The following MTSS1 variants were observed in gnomAD, a reference collection of about 807,000 sequenced individuals.
MTSS1 encodes the protein MTSS I-BAR domain containing 1.
Under a neutral mutation model 79.0 loss-of-function variants are expected in MTSS1, and 18 were observed. The ratio of observed to expected loss-of-function variants is 0.23; its 90% confidence interval spans 0.16 to 0.34. The LOEUF is 0.34. Among genes scored for constraint, MTSS1 ranks in the 10% least tolerant of loss-of-function variants. The pLI is 1.00. For missense variants in MTSS1, 815 were observed against 986.2 expected, an observed-to-expected ratio of 0.83 and a Z score of 2.33; for synonymous variants, 341 against 368.6, an observed-to-expected ratio of 0.93 and a Z score of 0.86.
intron 3 of MTSS1, among the ~76,000 whole-genome samples, chr8:124,678,630 C>G (rs1223558382): frequency 6.6e-6 from 1 of 152,186 alleles, no homozygotes; most frequent in African/African-American, 2.4e-5. Context: ...GAAAACCCAC[C>G]CTTGTGATTC....
At position 124,553,248 on chromosome 8, in the gene MTSS1, A is replaced by G. The variant is rs1822849861; in HGVS notation, c.2012T>C (p.Val671Ala). 1 of 1,613,976 alleles carries G rather than the reference A, an allele frequency of 6.2e-7. No individual in the cohort carries two copies. The highest frequency in any genetic ancestry group is 1.3e-5 in the African/African-American group (1 of 74,888). Reference protein sequence around the residue: ...PSSMWSGQASVNPPLPGPKPS... With the variant: ...PSSMWSGQASANPPLPGPKPS... ...CTTCGGGCCTGGAAGTGGAGGGTTA[A>G]CGGAAGCTTGGCCGCTCCACATTGA... The change falls in exon 14 of 14, where the codon GTT becomes GCT. Residue 671 changes from valine (V) to alanine (A), a missense_variant. This residue lies in a region of MTSS1 where 590 missense variants were observed against 620.8 expected (regional missense o/e 0.95). Coordinates refer to ENST00000518547, the MANE Select transcript of MTSS1 (RefSeq NM_014751.6). This position sits in a 1 kb window ranked among gnomAD's most constrained non-coding sequence, Gnocchi z 6.0.
chr8:124,700,755 C>T (rs987386560), intron 2 of MTSS1, among the ~76,000 whole-genome samples: 4 of 152,152 alleles, frequency 2.6e-5, no homozygotes, highest in African/African-American at 9.7e-5. Flanking sequence ...AAGCCAGGGC[C>T]ATGGATTCCA....
At chr8:124,591,505 AT>A (rs1028435949) in intron 3 of MTSS1, among the ~76,000 whole-genome samples, 4 of 151,988 alleles carry the variant, frequency 2.6e-5, no homozygotes, top group Non-Finnish European at 5.9e-5. Flanking sequence ...ATTCCATCTG[AT>A]TTTTTTTGTA....
Position 124,694,168 on chromosome 8 carries a change from C to T in MTSS1, c.208+5358G>A, listed in dbSNP as rs1053708360. Reference sequence around the variant, plus strand: ...TGGGATCAAAATGGGGAATAAAATTCGTACGCCTGTAAGCCTGTGCCCTTA... The same window carrying T: ...TGGGATCAAAATGGGGAATAAAATTTGTACGCCTGTAAGCCTGTGCCCTTA... On this transcript the variant is annotated intron_variant, in intron 3 of 13. Coordinates refer to ENST00000518547, the MANE Select transcript of MTSS1 (RefSeq NM_014751.6). Among the ~76,000 whole-genome samples the T allele has an allele frequency of 2.6e-5, 4 of 152,054 alleles. 1 individual carries two copies. The highest frequency in any genetic ancestry group is 1.3e-4 in the Admixed American group (2 of 15,258).
At chr8:124,558,676 A>G (rs773771715) in intron 10 of MTSS1, 2 of 1,503,192 alleles carry the variant, frequency 1.3e-6, no homozygotes, top group South Asian at 2.5e-5. Context: ...GGGACCAGGG[A>G]GAGTGGGGCC....
chr8:124,680,020 T>A (rs572474155), intron 3 of MTSS1, among the ~76,000 whole-genome samples: 38 of 152,214 alleles, frequency 2.5e-4, no homozygotes, highest in African/African-American at 8.9e-4. Context: ...TTTTTTTTTT[T>A]AATACTAGGG....
intron 1 of MTSS1, among the ~76,000 whole-genome samples, chr8:124,714,526 T>C (rs1464324145): frequency 6.6e-6 from 1 of 152,154 alleles, no homozygotes; most frequent in African/African-American, 2.4e-5. Flanking sequence ...GCAGTGGTGC[T>C]GTCTTGGCTC....
intron 7 of MTSS1, chr8:124,567,552 A>T: frequency 7.8e-7 from 1 of 1,286,486 alleles, no homozygotes; most frequent in Non-Finnish European, 1.0e-6. Context: ...TCAATGGATG[A>T]CACGACTTGG....
intron 3 of MTSS1, among the ~76,000 whole-genome samples, chr8:124,696,095 C>A (rs1195794503): frequency 6.6e-6 from 1 of 152,074 alleles, no homozygotes; most frequent in Non-Finnish European, 1.5e-5. Context: ...TCAAGCGATT[C>A]TCCTGCCTCA....
At chr8:124,680,853 A>G (rs1292780691) in intron 3 of MTSS1, among the ~76,000 whole-genome samples, 15 of 152,154 alleles carry the variant, frequency 9.9e-5, no homozygotes, top group Admixed American at 9.8e-4. Context: ...CTTTGAGGTC[A>G]TTGCTTCTCT....
rs763477158 is a variant in MTSS1, at chr8:124,699,528, C to T, written c.206G>A (p.Arg69His). The change falls in exon 3 of 14, where the codon CGT becomes CAT. Residue 69 changes from arginine (R) to histidine (H), a missense_variant and splice_region_variant. This residue lies in a region of MTSS1 where 225 missense variants were observed against 365.4 expected (regional missense o/e 0.62). Transcript: ENST00000518547. ...QKVADMATNT[R>H]GGTREIGSAL... ...GGAGTCAGCCTCCATCTGCTTACCA[C>T]GTGTGTTGGTGGCCATGTCAGCCAC... 1.4e-5 allele frequency: 23 copies of T among 1,613,920 alleles called. No homozygotes were observed. Among genetic ancestry groups the T allele is most frequent in the East Asian group, 2.2e-5 (1 of 44,892 alleles).
chr8:124,718,530 G>T (rs1298519991), intron 1 of MTSS1, among the ~76,000 whole-genome samples: 1 of 152,124 alleles, frequency 6.6e-6, no homozygotes, highest in Non-Finnish European at 1.5e-5. Flanking sequence ...TGCCGAGCGG[G>T]CTTTGAAGGT....
At chr8:124,563,297 C>T (rs957607396) in intron 9 of MTSS1, 3 of 378,826 alleles carry the variant, frequency 7.9e-6, no homozygotes, top group African/African-American at 2.1e-5. Context: ...GGTTCTAAAA[C>T]GTCAAGTGCG....
rs558277147 is a variant in MTSS1 at position 124,598,287 on chromosome 8, T to G, written c.209-7052A>C. 5.3e-5 allele frequency among the ~76,000 whole-genome samples: 8 copies of G among 152,190 alleles called. No individual in the cohort carries two copies. The East Asian group carries it at 1.4e-3, about 26-fold the overall frequency. ...TCCAGCCTGAGTGACTGAGACCCTG[T>G]CTCAAAAGAAAAAAGCAAGAAAAAA... is the stretch of plus-strand genomic sequence containing the variant. On this transcript the variant is annotated intron_variant, in intron 3 of 13. Transcript: ENST00000518547.
chr8:124,571,079 A>T (rs1469604996), intron 6 of MTSS1, among the ~76,000 whole-genome samples: 1 of 152,158 alleles, frequency 6.6e-6, no homozygotes, highest in African/African-American at 2.4e-5. Flanking sequence ...TTCCTCAAGG[A>T]TGTAGGAGTA....
Position 124,663,207 on chromosome 8 carries a change from G to A in MTSS1, c.208+36319C>T, listed in dbSNP as rs1019888763. On this transcript the variant is annotated intron_variant, in intron 3 of 13. Transcript: ENST00000518547. ...GCAGCATGGCCAGACACTCCCTTTCGGGCTGTAAGTTTTTCCTGAGGCTGC... is the reference window on the plus strand; with the variant it reads ...GCAGCATGGCCAGACACTCCCTTTCAGGCTGTAAGTTTTTCCTGAGGCTGC... Among the ~76,000 whole-genome samples, 9 of 152,064 alleles carry A rather than the reference G, an allele frequency of 5.9e-5. 1 individual carries two copies. The highest frequency in any genetic ancestry group is 4.6e-4 in the Admixed American group (7 of 15,252).
At chr8:124,725,698 T>A (rs752863568) in intron 1 of MTSS1, among the ~76,000 whole-genome samples, 7 of 152,236 alleles carry the variant, frequency 4.6e-5, no homozygotes, top group Non-Finnish European at 1.0e-4. Context: ...GGTGACTTCA[T>A]GCATCTGCAC....
At position 124,565,666 on chromosome 8, in the gene MTSS1, A is replaced by T; in HGVS notation, c.820T>A (p.Cys274Ser). ...GTGGACCCCGGCTTCACTCACCTGC[A>T]GACACTGGACTTTCTGGACATGGTG... is the stretch of plus-strand genomic sequence containing the variant. ...STTMSRKSSV[C>S]SSLNSVNSSD... is the part of the protein sequence containing the mutation. Residue 274 changes from cysteine (C) to serine (S), a missense_variant, in exon 9 of 14, where the codon TGC becomes AGC. Around this residue, in one of 2 missense-constraint regions of MTSS1, gnomAD observed 225 missense variants for 365.4 expected, o/e 0.62. Transcript: ENST00000518547. The T allele has an allele frequency of 6.2e-7, 1 of 1,613,766 alleles. No individual in the cohort carries two copies. Among genetic ancestry groups the T allele is most frequent in the Non-Finnish European group, 8.5e-7 (1 of 1,179,654 alleles).
At chr8:124,592,826 T>C (rs888623427) in intron 3 of MTSS1, among the ~76,000 whole-genome samples, 4 of 152,174 alleles carry the variant, frequency 2.6e-5, no homozygotes, top group Admixed American at 6.5e-5. Context: ...GTGAGATGTT[T>C]AGCAGTATCC....
Sources: allele counts gnomAD v4.1 joint callset (sites outside exome capture counted in the v4.1 genomes callset), GRCh38; gene constraint gnomAD v4.1.1; regional missense constraint gnomAD v4.1.1; non-coding constraint Gnocchi (gnomAD v3.1); transcripts MANE v1.5; gene names NCBI Gene and HGNC (gene_info 2026-07-23, HGNC 2026-07-21).